PDE4B: variants seen among roughly 807,000 people sequenced by gnomAD.
PDE4B encodes 3',5'-cyclic-AMP phosphodiesterase 4B.
PDE4B carries 20 observed loss-of-function variants against 82.2 expected under a neutral mutation model. The observed-to-expected ratio is 0.24, with a 90% CI of 0.17 to 0.35. The LOEUF (loss-of-function observed/expected upper bound fraction) is 0.35, where lower values mean the gene tolerates loss of function less well. PDE4B is among the 10% of genes least tolerant of loss of function. PDE4B has a pLI of 1.00. For synonymous variants in PDE4B, 320 were observed against 318.9 expected (o/e 1.00, Z -0.04); for missense variants, 655 against 907.2 (o/e 0.72, Z 3.57).
chr1:66,137,709 T>C (rs971013483), intron 3 of PDE4B, among the ~76,000 whole-genome samples: 4 of 152,184 alleles, frequency 2.6e-5, no homozygotes, highest in African/African-American at 9.7e-5. Flanking sequence ...TTATGTTCCA[T>C]CTTTATCGGC....
rs1037922699 is a variant in PDE4B, at chr1:66,047,534, C to T, written c.281+128699C>T. Among the ~76,000 whole-genome samples, 6 of 151,886 alleles carry T rather than the reference C, an allele frequency of 4.0e-5. No homozygotes were observed. The East Asian group carries it at 7.7e-4, about 20-fold the overall frequency. ...TATGCTGAGCTCCAGCCCAGTGTTGCTCAGTGTGTTCCATATGGATGTTCT... is the reference window on the plus strand; with the variant it reads ...TATGCTGAGCTCCAGCCCAGTGTTGTTCAGTGTGTTCCATATGGATGTTCT... On this transcript the variant is annotated intron_variant, in intron 3 of 16. Coordinates refer to ENST00000341517, the MANE Select transcript of PDE4B (RefSeq NM_002600.4).
intron 3 of PDE4B, among the ~76,000 whole-genome samples, chr1:66,238,394 A>G (rs1339766544): frequency 6.6e-6 from 1 of 152,154 alleles, no homozygotes; most frequent in African/African-American, 2.4e-5. Context: ...GATCCATGGC[A>G]AGGAGTTTGG....
chr1:66,205,377 T>C (rs2101554707), intron 3 of PDE4B, among the ~76,000 whole-genome samples: 1 of 152,344 alleles, frequency 6.6e-6, no homozygotes, highest in East Asian at 1.9e-4. Context: ...ACTGATAACA[T>C]TTATATATTT....
intron 7 of PDE4B, among the ~76,000 whole-genome samples, chr1:66,300,528 A>G (rs916476801): frequency 2.0e-5 from 3 of 152,296 alleles, no homozygotes; most frequent in Admixed American, 6.5e-5. Context: ...CTGTGCACTT[A>G]CATAGCTGAT....
At chr1:66,316,975 C>T (rs1027187428) in intron 7 of PDE4B, among the ~76,000 whole-genome samples, 1 of 152,164 alleles carries the variant, frequency 6.6e-6, no homozygotes, top group Non-Finnish European at 1.5e-5. Flanking sequence ...GGAAAGTGAG[C>T]TAGCTGTGAC....
intron 7 of PDE4B, among the ~76,000 whole-genome samples, chr1:66,272,117 C>T (rs1277516666): frequency 6.6e-6 from 1 of 152,226 alleles, no homozygotes; most frequent in Non-Finnish European, 1.5e-5. Flanking sequence ...TGTGTCCTCC[C>T]AAACCCTAGC....
At chr1:66,219,264 A>C (rs1187848972) in intron 3 of PDE4B, among the ~76,000 whole-genome samples, 2 of 152,156 alleles carry the variant, frequency 1.3e-5, no homozygotes, top group Non-Finnish European at 2.9e-5. Flanking sequence ...ATGCATGATA[A>C]TGTGAAGGTG....
chr1:66,206,591 A>G (rs1244832684), intron 3 of PDE4B, among the ~76,000 whole-genome samples: 5 of 152,234 alleles, frequency 3.3e-5, no homozygotes, highest in Admixed American at 2.0e-4. Flanking sequence ...CGTGGATCAC[A>G]TACTATAATG....
chr1:66,348,302 T>G (rs1383218665), intron 8 of PDE4B, among the ~76,000 whole-genome samples: 2 of 152,194 alleles, frequency 1.3e-5, no homozygotes, highest in Non-Finnish European at 2.9e-5. Context: ...CCTTGATTCC[T>G]TGATTTTTCT....
intron 7 of PDE4B, among the ~76,000 whole-genome samples, chr1:66,272,166 A>G (rs12140250): frequency 0.53 from 80,254 of 152,000 alleles, 21,913 homozygotes; most frequent in Non-Finnish European, 0.6. Context: ...GCTCCCAGGC[A>G]TGGCAGGCAG....
chr1:66,214,473 G>A lies in PDE4B; in HGVS notation c.282-32987G>A, dbSNP rs544671564. 3.9e-5 allele frequency among the ~76,000 whole-genome samples: 6 copies of A among 152,204 alleles called. No homozygotes were observed. In the South Asian group the frequency reaches 1.2e-3, roughly 32 times the overall value. On this transcript the variant is annotated intron_variant, in intron 3 of 16. Transcript: ENST00000341517. ...CTCTTGGTTAGGTATTGGGCTGAGG[G>A]ATTGCACATATATTATTGCATCAAT...
At chr1:66,253,455 G>T (rs1391540379) in intron 4 of PDE4B, among the ~76,000 whole-genome samples, 1 of 152,158 alleles carries the variant, frequency 6.6e-6, no homozygotes, top group African/African-American at 2.4e-5. Flanking sequence ...TAAGACTGGA[G>T]TGCTCATTTC....
rs141592909 is a variant in PDE4B at position 65,988,241 on chromosome 1, A to G, written c.281+69406A>G. The stretch of plus-strand genomic sequence containing the variant: ...TAAAGAGTTGCCAGTTAATTTTCTA[A>G]GAGAGCTAGATAACCATTTTTATTC... On this transcript the variant is annotated intron_variant, in intron 3 of 16. Coordinates refer to ENST00000341517, the MANE Select transcript of PDE4B (RefSeq NM_002600.4). 3.7e-4 allele frequency among the ~76,000 whole-genome samples: 56 copies of G among 152,368 alleles called. No homozygotes were observed. In the East Asian group the frequency reaches 9.2e-3, roughly 25 times the overall value.
intron 15 of PDE4B, among the ~76,000 whole-genome samples, chr1:66,368,567 A>C (rs1663421655): frequency 6.6e-6 from 1 of 152,244 alleles, no homozygotes; most frequent in African/African-American, 2.4e-5. Flanking sequence ...TGTCGGTCTA[A>C]GAAGACACAC....
At chr1:66,150,322 G>A (rs1646365296) in intron 3 of PDE4B, among the ~76,000 whole-genome samples, 1 of 152,098 alleles carries the variant, frequency 6.6e-6, no homozygotes, top group Non-Finnish European at 1.5e-5. Flanking sequence ...TGGCTCTGAA[G>A]ATCGTTTTCA....
intron 3 of PDE4B, among the ~76,000 whole-genome samples, chr1:66,213,185 G>T (rs1248218090): frequency 6.6e-6 from 1 of 152,146 alleles, no homozygotes; most frequent in Non-Finnish European, 1.5e-5. Context: ...GAATCTCCTG[G>T]AGATGATATT....
chr1:66,092,959 A>G (rs942310401), intron 3 of PDE4B, among the ~76,000 whole-genome samples: 6 of 152,226 alleles, frequency 3.9e-5, no homozygotes, highest in African/African-American at 1.4e-4. Flanking sequence ...AACAATCTAG[A>G]AAAAGTTCGG....
At chr1:65,888,991 G>A (rs1646822950) in intron 1 of PDE4B, among the ~76,000 whole-genome samples, 1 of 152,098 alleles carries the variant, frequency 6.6e-6, no homozygotes, top group Non-Finnish European at 1.5e-5. Flanking sequence ...GGAGCAGTGA[G>A]AGTGGGCATC....
At position 66,170,740 on chromosome 1, in the gene PDE4B, C is replaced by T. The variant is rs1331095720; in HGVS notation, c.282-76720C>T. 3.3e-5 allele frequency among the ~76,000 whole-genome samples: 5 copies of T among 152,064 alleles called. No homozygotes were observed. The South Asian group carries it at 8.3e-4, about 25-fold the overall frequency. ...TTTCTGGTGTCCATGAACTGTGTCT[C>T]CATTTTGAAGATTAACACAGCAAAA... is the stretch of plus-strand genomic sequence containing the variant. On this transcript the variant is annotated intron_variant, in intron 3 of 16. Coordinates refer to ENST00000341517, the MANE Select transcript of PDE4B (RefSeq NM_002600.4).
Sources: gnomAD v4.1 joint callset for allele counts (sites outside exome capture counted in the v4.1 genomes callset) on GRCh38, gnomAD v4.1.1 for gene constraint, MANE v1.5 for transcripts, NCBI Gene and HGNC (gene_info 2026-07-23, HGNC 2026-07-21) for gene names.